The following UBXN7 variants were observed in gnomAD, a reference collection of about 807,000 sequenced individuals.
UBXN7 encodes the protein UBX domain-containing protein 7.
In UBXN7, 9 loss-of-function variants were observed where a neutral mutation model predicts 58.0. The ratio of observed to expected loss-of-function variants is 0.16; its 90% CI spans 0.09 to 0.27. The LOEUF is 0.27. UBXN7 is among the 10% of genes least tolerant of loss of function. UBXN7 has a pLI of 1.00. For missense variants in UBXN7, 328 were observed against 599.6 expected (o/e 0.55, Z 4.73); for synonymous variants, 208 against 205.0 (o/e 1.01, Z -0.12).
At chr3:196,370,979 A>G (rs953003951) in intron 6 of UBXN7, among the ~76,000 whole-genome samples, 1 of 152,006 alleles carries the variant, frequency 6.6e-6, no homozygotes, top group Non-Finnish European at 1.5e-5. Context: ...AGCCATGTTC[A>G]TGCCACTGCA....
At chr3:196,399,407 A>G (rs775978411) in intron 3 of UBXN7, among the ~76,000 whole-genome samples, 4 of 151,892 alleles carry the variant, frequency 2.6e-5, no homozygotes, top group Non-Finnish European at 5.9e-5. Context: ...CAAAGTGTTG[A>G]GATTACAGGT....
At chr3:196,358,242 A>G (rs965137238) in intron 10 of UBXN7, among the ~76,000 whole-genome samples, 2 of 152,118 alleles carry the variant, frequency 1.3e-5, no homozygotes, top group Non-Finnish European at 2.9e-5. Context: ...AACATAGAGA[A>G]AAACAGACAC....
chr3:196,396,434 T>C (rs1344818718), intron 3 of UBXN7, among the ~76,000 whole-genome samples: 1 of 151,076 alleles, frequency 6.6e-6, no homozygotes, highest in Non-Finnish European at 1.5e-5. Context: ...TAAAAATAAC[T>C]AGATATCTGA....
At chr3:196,401,952 T>C (rs1730008729) in intron 3 of UBXN7, among the ~76,000 whole-genome samples, 1 of 151,824 alleles carries the variant, frequency 6.6e-6, no homozygotes, top group Admixed American at 6.6e-5. Flanking sequence ...GTAACAAACC[T>C]GCACATGTAC....
chr3:196,398,196 T>C lies in UBXN7; in HGVS notation c.290-4577A>G, dbSNP rs140957043. Among the ~76,000 whole-genome samples, 50 of 152,346 alleles carry C rather than the reference T, an allele frequency of 3.3e-4. No homozygotes were observed. In the East Asian group the frequency reaches 7.3e-3, roughly 22 times the overall value. ...AATGAGTTTAGGAGATCCTCCTCCA[T>C]TCAGGCTTTGAGATGAATGGTAGCC... On this transcript the variant is annotated intron_variant, in intron 3 of 10. Transcript: ENST00000296328.
chr3:196,389,471 G>C (rs182444359), intron 5 of UBXN7, among the ~76,000 whole-genome samples: 28 of 152,274 alleles, frequency 1.8e-4, no homozygotes, highest in Admixed American at 5.9e-4. Flanking sequence ...TGGAGAGCAC[G>C]CTGATATGGT....
intron 5 of UBXN7, among the ~76,000 whole-genome samples, chr3:196,390,479 C>T (rs1003715366): frequency 9.2e-5 from 14 of 152,106 alleles, no homozygotes; most frequent in Non-Finnish European, 1.8e-4. Context: ...CGGTGGCTCA[C>T]GCCTGTAATC....
chr3:196,418,484 A>C (rs983586488), intron 1 of UBXN7, among the ~76,000 whole-genome samples: 31 of 152,186 alleles, frequency 2.0e-4, no homozygotes, highest in Middle Eastern at 3.2e-3. Context: ...GTCTCATTCA[A>C]GTTGAACACT....
chr3:196,385,814 C>T (rs1051606080), intron 5 of UBXN7, among the ~76,000 whole-genome samples: 4 of 147,210 alleles, frequency 2.7e-5, no homozygotes, highest in Non-Finnish European at 6.0e-5. Flanking sequence ...GGCGCCTCTG[C>T]CCGGCCGCCC....
At chr3:196,418,953 T>C (rs1730589411) in intron 1 of UBXN7, among the ~76,000 whole-genome samples, 2 of 152,160 alleles carry the variant, frequency 1.3e-5, no homozygotes, top group South Asian at 2.1e-4. Context: ...ATTCCTGAGA[T>C]GGTGCTACCA....
In UBXN7 at chr3:196,362,438, T is replaced by C. The variant is rs2108827634; in HGVS notation, c.1084A>G (p.Asn362Asp). The change falls in exon 9 of 11, where the codon AAT becomes GAT. Residue 362 changes from asparagine (N) to aspartate (D), a missense_variant. Physicochemically the swap from Asn to Asp is conservative, Grantham distance 23. This residue lies in a region of UBXN7 where 66 missense variants were observed against 77.9 expected (regional missense o/e 0.85). Transcript: ENST00000296328. The part of the protein sequence containing the change: ...HKDLGHRKEE[N>D]RRPLTEPPVR... ...GGTGGCTCAGTCAGCGGCCTTCTAT[T>C]CTCCTCTTTTCTATGCCCCAAATCT... 6.2e-7 allele frequency: 1 copy of C among 1,614,144 alleles called. No individual in the cohort carries two copies. The highest frequency in any genetic ancestry group is 8.5e-7 in the Non-Finnish European group (1 of 1,180,028).
chr3:196,420,594 G>T (rs1232339691), intron 1 of UBXN7, among the ~76,000 whole-genome samples: 1 of 151,826 alleles, frequency 6.6e-6, no homozygotes. Context: ...GATATTGTAG[G>T]CAGCAGCAGG....
At chr3:196,396,607 G>C (rs1166242813) in intron 3 of UBXN7, among the ~76,000 whole-genome samples, 1 of 151,492 alleles carries the variant, frequency 6.6e-6, no homozygotes, top group African/African-American at 2.4e-5. Flanking sequence ...CTAAAAAATA[G>C]AAAAAATTAG....
intron 1 of UBXN7, among the ~76,000 whole-genome samples, chr3:196,419,407 A>G (rs1223390877): frequency 6.6e-6 from 1 of 152,228 alleles, no homozygotes; most frequent in Non-Finnish European, 1.5e-5. Flanking sequence ...ACCACTACAC[A>G]TGCAGATTTT....
chr3:196,399,441 T>C (rs1047232957), intron 3 of UBXN7, among the ~76,000 whole-genome samples: 16 of 151,802 alleles, frequency 1.1e-4, no homozygotes, highest in African/African-American at 3.9e-4. Context: ...ACTGTCCTAT[T>C]TATGTTTCTT....
At chr3:196,412,245 A>AG (rs1341538020) in intron 1 of UBXN7, among the ~76,000 whole-genome samples, 37 of 104,450 alleles carry the variant, frequency 3.5e-4, no homozygotes, top group East Asian at 1.0e-3. Flanking sequence ...AAAAAAAAAA[A>AG]AAAAGAAAAA....
At position 196,407,300 on chromosome 3, in the gene UBXN7, G is replaced by C. The variant is rs753860435; in HGVS notation, c.167C>G (p.Ala56Gly). Reference protein sequence around the residue: ...VTMFLDGGGIAEEPSTSSASV... With the variant: ...VTMFLDGGGIGEEPSTSSASV... Reference sequence around the variant, plus strand: ...TGCTGAACTGGTACTGGGCTCTTCAGCGATTCCTCCACCATCCAAAAACAT... The same window carrying C: ...TGCTGAACTGGTACTGGGCTCTTCACCGATTCCTCCACCATCCAAAAACAT... The change falls in exon 2 of 11, where the codon GCT (alanine) becomes GGT (glycine). Residue 56 changes from alanine to glycine, a missense_variant. By Grantham distance (60) the Ala-to-Gly change is moderately conservative (BLOSUM62 0). Coordinates refer to ENST00000296328, the MANE Select transcript of UBXN7 (RefSeq NM_015562.2). The C allele has an allele frequency of 1.2e-6, 2 of 1,614,048 alleles. No individual in the cohort carries two copies. The highest frequency in any genetic ancestry group is 2.2e-5 in the East Asian group (1 of 44,880).
intron 1 of UBXN7, 185 bp downstream of exon 1, chr3:196,432,142 G>T (rs1453969344): frequency 7.7e-6 from 6 of 777,016 alleles, no homozygotes; most frequent in South Asian, 6.0e-5. Context: ...TCGGGAGCGG[G>T]GGGGGGCTGT....
At chr3:196,429,608 G>A (rs1730960468) in intron 1 of UBXN7, among the ~76,000 whole-genome samples, 1 of 151,738 alleles carries the variant, frequency 6.6e-6, no homozygotes, top group Non-Finnish European at 1.5e-5. Context: ...AAGCTATTAA[G>A]GTCACTAAAA....
Sources: gnomAD v4.1 joint callset for allele counts (sites outside exome capture counted in the v4.1 genomes callset) on GRCh38, gnomAD v4.1.1 for gene constraint, gnomAD v4.1.1 regional missense constraint, MANE v1.5 for transcripts, NCBI Gene and HGNC (gene_info 2026-07-23, HGNC 2026-07-21) for gene names.